Variants in DEPDC4 observed in about 807,000 individuals in gnomAD.
DEPDC4 encodes the protein DEP domain-containing protein 4.
Under a neutral mutation model 52.0 loss-of-function variants are expected in DEPDC4, and 52 were observed. That is an observed-to-expected ratio of 1.00 (90% CI 0.80 to 1.26). The LOEUF is 1.26. Among genes scored for constraint, DEPDC4 ranks in the 50% most tolerant of loss-of-function variants. The pLI, the probability that DEPDC4 is intolerant of heterozygous loss-of-function variation, is 0.00. For synonymous variants in DEPDC4, 201 were observed against 196.8 expected (o/e 1.02, Z -0.18); for missense variants, 530 against 546.9 (o/e 0.97, Z 0.31).
chr12:100,264,579 T>G (rs889195088), intron 1 of DEPDC4, among the ~76,000 whole-genome samples: 3 of 151,890 alleles, frequency 2.0e-5, no homozygotes, highest in Non-Finnish European at 4.4e-5. Flanking sequence ...CTCGGGAGGC[T>G]GAGGCAGGAG....
rs1456413303 is a variant in DEPDC4, at chr12:100,262,426, C to T, written c.555-17G>A. ...TATCCTGGTCTGTTAAAAAATAATA[C>T]GTGGCTCTTTTCATTATACACAGAA... is the stretch of plus-strand genomic sequence containing the variant. On this transcript the variant is annotated splice_polypyrimidine_tract_variant and intron_variant, in intron 2 of 9. Transcript: ENST00000550587. The T allele has an allele frequency of 2.5e-6, 4 of 1,579,402 alleles. No individual in the cohort carries two copies. Among genetic ancestry groups the T allele is most frequent in the South Asian group, 2.4e-5 (2 of 82,374 alleles).
chr12:100,239,782 C>A (rs1592864116), downstream of DEPDC4, among the ~76,000 whole-genome samples: 1 of 152,046 alleles, frequency 6.6e-6, no homozygotes, highest in African/African-American at 2.4e-5. Context: ...TGGCTCACAA[C>A]TGTAATTCCA....
chr12:100,268,729 T>G (rs1202700100), upstream of DEPDC4, among the ~76,000 whole-genome samples: 2 of 152,210 alleles, frequency 1.3e-5, no homozygotes, highest in African/African-American at 4.8e-5. Flanking sequence ...ACTACTCATA[T>G]TCACATGTTT....
chr12:100,262,681 T>C (rs1261656003), intron 2 of DEPDC4, among the ~76,000 whole-genome samples: 10 of 152,200 alleles, frequency 6.6e-5, no homozygotes, highest in Non-Finnish European at 1.3e-4. Context: ...GTTCTGAGTT[T>C]CCAGAAAACC....
At chr12:100,266,334 C>T (rs545327559) in intron 1 of DEPDC4, among the ~76,000 whole-genome samples, 1 of 152,188 alleles carries the variant, frequency 6.6e-6, no homozygotes, top group Admixed American at 6.5e-5. Context: ...AAATCTTATC[C>T]CCAGACATTG....
At chr12:100,273,841 G>C in the DEPDC4 span, among the ~76,000 whole-genome samples, 2 of 152,190 alleles carry the variant, frequency 1.3e-5, 1 homozygote, top group African/African-American at 4.8e-5. Context: ...TCTGCTATTG[G>C]ACGGAGTCCC....
At chr12:100,259,049 C>T (rs553720404) in intron 3 of DEPDC4, among the ~76,000 whole-genome samples, 107 of 146,518 alleles carry the variant, frequency 7.3e-4, no homozygotes, top group Non-Finnish European at 1.4e-3. Context: ...CCAGCCTGGG[C>T]GACAGGGCAA....
chr12:100,246,123 GTTTT>G (rs34475855), intron 8 of DEPDC4, among the ~76,000 whole-genome samples: 1 of 135,422 alleles, frequency 7.4e-6, no homozygotes, highest in Non-Finnish European at 1.6e-5. Context: ...CTACGCCTGG[GTTTT>G]TTTTTTTTTT....
chr12:100,235,132 A>G (rs1203781413), downstream of DEPDC4, among the ~76,000 whole-genome samples: 1 of 151,960 alleles, frequency 6.6e-6, no homozygotes, highest in African/African-American at 2.4e-5. Flanking sequence ...AATAAGCTCC[A>G]TTAGAGAATG....
At position 100,263,862 on chromosome 12, in the gene DEPDC4, T is replaced by C. The variant is rs371099609; in HGVS notation, c.189A>G (p.Leu63=). 1.5e-5 allele frequency: 24 copies of C among 1,610,412 alleles called. No homozygotes were observed. The highest frequency in any genetic ancestry group is 1.6e-4 in the Middle Eastern group (1 of 6,062). The change falls in exon 2 of 10, where the codon CTA becomes CTG. Residue 63 remains leucine, a synonymous_variant. Transcript: ENST00000550587. ...GCSGPFQATQ[L]WDGIIHSLQA... ...GAAGAGAGTGAATAATACCATCCCA[T>C]AGCTGAGTAGCTTGAAAAGGACCAG...
upstream of DEPDC4, among the ~76,000 whole-genome samples, chr12:100,268,637 A>G (rs2096283029): frequency 1.3e-5 from 2 of 152,294 alleles, no homozygotes; most frequent in South Asian, 4.1e-4. Flanking sequence ...ATTCATAAAT[A>G]CCCAGTAAAA....
chr12:100,271,666 T>C (rs1486715817), upstream of DEPDC4, among the ~76,000 whole-genome samples: 1 of 152,240 alleles, frequency 6.6e-6, no homozygotes, highest in African/African-American at 2.4e-5. Context: ...TGAAAGTTAT[T>C]AAATGTAACT....
chr12:100,253,560 T>C lies in DEPDC4; in HGVS notation c.1034A>G (p.Tyr345Cys), dbSNP rs1335006424. 6 of 1,288,632 alleles carry C rather than the reference T, an allele frequency of 4.7e-6. No individual in the cohort carries two copies. Among genetic ancestry groups the C allele is most frequent in the South Asian group, 2.5e-5 (2 of 80,986 alleles). 79.8% of individuals were successfully genotyped at this position (1,288,632 alleles called of 1,614,324 possible). A position where few individuals can be genotyped will look rare whatever the true frequency, so the allele number is the denominator to read the frequency against. The part of the protein sequence containing the change: ...KILFDVIAKY[Y>C]AQERDCLLTD... ...TAATAGGCAATCTCTCTCTTGAGCA[T>C]AGTATTTTGCTATGACATCAAAGAG... The change falls in exon 5 of 10, where the codon TAT (tyrosine) becomes TGT (cysteine). Residue 345 changes from tyrosine to cysteine, a missense_variant. Coordinates refer to ENST00000550587, the MANE Select transcript of DEPDC4 (RefSeq NM_001364818.2).
chr12:100,263,029 C>T (rs1481933463), intron 2 of DEPDC4, among the ~76,000 whole-genome samples: 1 of 152,138 alleles, frequency 6.6e-6, no homozygotes, highest in Non-Finnish European at 1.5e-5. Flanking sequence ...ACAATCTTGG[C>T]TAACTGCAAC....
chr12:100,281,695 G>A, the DEPDC4 span, among the ~76,000 whole-genome samples: 5 of 152,160 alleles, frequency 3.3e-5, no homozygotes, highest in East Asian at 5.8e-4. Flanking sequence ...TTAGCCGGGC[G>A]TGGTAGCGGG....
chr12:100,249,960 A>G (rs2096200938), intron 7 of DEPDC4, among the ~76,000 whole-genome samples: 2 of 152,314 alleles, frequency 1.3e-5, no homozygotes, highest in South Asian at 2.1e-4. Flanking sequence ...CAAAGCAGAG[A>G]AAGAGGCCAG....
intron 4 of DEPDC4, among the ~76,000 whole-genome samples, chr12:100,254,319 C>CCT (rs1566318429): frequency 3.4e-5 from 3 of 89,402 alleles, no homozygotes; most frequent in South Asian, 3.5e-4. Context: ...TTTTTTTTGA[C>CCT]TTTTTTTTTT....
At chr12:100,237,361 C>A (rs1291949561), downstream of DEPDC4, among the ~76,000 whole-genome samples, 1 of 152,070 alleles carries the variant, frequency 6.6e-6, no homozygotes, top group African/African-American at 2.4e-5. Flanking sequence ...GCGTGTGCCA[C>A]CACACCCAGC....
At chr12:100,261,770 T>G in intron 3 of DEPDC4, 1 of 456,762 alleles carries the variant, frequency 2.2e-6, no homozygotes, top group South Asian at 1.5e-5. Context: ...AGGAAACTCC[T>G]ACAGGGAAGA....
Sources: gnomAD v4.1 joint callset for allele counts (sites outside exome capture counted in the v4.1 genomes callset) on GRCh38, gnomAD v4.1.1 for gene constraint, MANE v1.5 for transcripts, NCBI Gene and HGNC (gene_info 2026-07-23, HGNC 2026-07-21) for gene names.